DLGAP2: variants seen among roughly 807,000 people sequenced by gnomAD.
The protein encoded by DLGAP2 is DLG associated protein 2, also known as disks large-associated protein 2.
Under a neutral mutation model 100.3 loss-of-function variants are expected in DLGAP2, and 26 were observed. The ratio of observed to expected loss-of-function variants is 0.26; its 90% CI spans 0.19 to 0.36. The LOEUF is 0.36. Ranked by LOEUF, DLGAP2 falls within the 10% of genes least tolerant of loss-of-function variation. The pLI is 1.00. For synonymous variants in DLGAP2, 886 were observed against 630.1 expected (o/e 1.41, Z -6.08); for missense variants, 1,858 against 1,453.2 (o/e 1.28, Z -4.53).
intron 3 of DLGAP2, among the ~76,000 whole-genome samples, chr8:1,367,152 T>A (rs568224727): frequency 1.3e-5 from 2 of 152,326 alleles, no homozygotes; most frequent in East Asian, 3.9e-4. Flanking sequence ...GAACTGCAGA[T>A]CATATTTTGA....
chr8:1,312,015 A>G (rs1425818912), intron 3 of DLGAP2, among the ~76,000 whole-genome samples: 1 of 152,224 alleles, frequency 6.6e-6, no homozygotes, highest in African/African-American at 2.4e-5. Context: ...TCAGAAATTC[A>G]GCAATGACAG....
Position 1,346,184 on chromosome 8 carries a change from A to T in DLGAP2, c.106+87301A>T, listed in dbSNP as rs1801550726. ...GTAACTGTGTGGAGTTTGAGTTCCC[A>T]TACAGAGCTGCATTGCACTCACGGT... On this transcript the variant is annotated intron_variant, in intron 3 of 14. Coordinates refer to ENST00000637795, the MANE Select transcript of DLGAP2 (RefSeq NM_001346810.2). 2.6e-5 allele frequency among the ~76,000 whole-genome samples: 4 copies of T among 152,190 alleles called. No homozygotes were observed. The South Asian group carries it at 8.3e-4, about 32-fold the overall frequency.
chr8:1,518,699 C>T (rs1418681381), intron 4 of DLGAP2, among the ~76,000 whole-genome samples: 1 of 152,090 alleles, frequency 6.6e-6, no homozygotes. Context: ...ATTATGGAGT[C>T]TTTGAGATTT....
chr8:1,376,338 C>T (rs1802386639), intron 3 of DLGAP2, among the ~76,000 whole-genome samples: 1 of 152,242 alleles, frequency 6.6e-6, no homozygotes, highest in African/African-American at 2.4e-5. Flanking sequence ...AGCTCCTGTG[C>T]ACCGCAGTCC....
At chr8:1,074,946 C>T (rs531093556) in intron 2 of DLGAP2, among the ~76,000 whole-genome samples, 6 of 152,006 alleles carry the variant, frequency 3.9e-5, no homozygotes, top group African/African-American at 1.5e-4. Flanking sequence ...GGGTGCAGCA[C>T]ATCTCACCAA....
chr8:1,087,208 A>G (rs750519979), intron 2 of DLGAP2, among the ~76,000 whole-genome samples: 29 of 152,364 alleles, frequency 1.9e-4, no homozygotes, highest in Non-Finnish European at 3.2e-4. Context: ...GTACCGAAAC[A>G]TATGAGATGC....
chr8:1,468,920 C>G (rs1341779476), intron 3 of DLGAP2, among the ~76,000 whole-genome samples: 1 of 152,170 alleles, frequency 6.6e-6, no homozygotes, highest in Non-Finnish European at 1.5e-5. Flanking sequence ...TCCAGCCTCT[C>G]TCTCTCCTTA....
chr8:1,223,868 T>C (rs948243371), intron 2 of DLGAP2, among the ~76,000 whole-genome samples: 7 of 152,234 alleles, frequency 4.6e-5, no homozygotes, highest in Non-Finnish European at 7.3e-5. Flanking sequence ...AGCATCTATA[T>C]GTTCTGTTCT....
intron 3 of DLGAP2, among the ~76,000 whole-genome samples, chr8:1,470,321 A>G (rs1026851285): frequency 6.6e-6 from 1 of 152,172 alleles, no homozygotes; most frequent in African/African-American, 2.4e-5. Context: ...GCCATCCTTC[A>G]TCCCTCAGCT....
chr8:1,604,615 A>G (rs1449912623), intron 6 of DLGAP2: 5 of 152,204 alleles, frequency 3.3e-5, no homozygotes, highest in East Asian at 3.8e-4. Context: ...TGGAATCTAT[A>G]TTACATACTA....
chr8:1,598,352 G>A (rs2977212), intron 6 of DLGAP2, among the ~76,000 whole-genome samples: 1 of 152,128 alleles, frequency 6.6e-6, no homozygotes, highest in African/African-American at 2.4e-5. Flanking sequence ...CTGCCAGGTT[G>A]TGGTATCAGG....
At chr8:1,096,982 C>A (rs1379378542) in intron 2 of DLGAP2, among the ~76,000 whole-genome samples, 2 of 139,562 alleles carry the variant, frequency 1.4e-5, no homozygotes, top group African/African-American at 5.4e-5. Flanking sequence ...ACCCCTCCAG[C>A]GTGAGACCCA....
At position 1,668,499 on chromosome 8, in the gene DLGAP2, T is replaced by C; in HGVS notation, c.1981T>C (p.Tyr661His). 1 of 1,594,110 alleles carries C rather than the reference T, an allele frequency of 6.3e-7. No homozygotes were observed. The highest frequency in any genetic ancestry group is 8.5e-7 in the Non-Finnish European group (1 of 1,171,394). ...SPWPQDSRGL[Y>H]NSTDSLDSNK... ...GTGGCCCCAGGACAGCCGCGGCCTC[T>C]ACAACTCCACGGACAGCCTGGACAG... Residue 661 changes from tyrosine (Y) to histidine (H), a missense_variant, in exon 9 of 15, where the codon TAC becomes CAC. Transcript: ENST00000637795.
chr8:893,978 C>T (rs1563083350), intron 1 of DLGAP2, among the ~76,000 whole-genome samples: 1 of 152,210 alleles, frequency 6.6e-6, no homozygotes, highest in African/African-American at 2.4e-5. Flanking sequence ...GCTGTCGGCC[C>T]GAGGCTTCGA....
intron 2 of DLGAP2, among the ~76,000 whole-genome samples, chr8:925,952 G>A (rs144921533): frequency 1.0e-3 from 154 of 152,270 alleles, no homozygotes; most frequent in African/African-American, 3.4e-3. Flanking sequence ...CAGGAGGAGC[G>A]GATATGTCAT....
intron 3 of DLGAP2, among the ~76,000 whole-genome samples, chr8:1,484,444 T>G (rs910230084): frequency 5.9e-5 from 9 of 152,250 alleles, no homozygotes; most frequent in Non-Finnish European, 1.3e-4. Context: ...CCTTCTGGCT[T>G]AGGCCTGCGA....
At chr8:1,465,544 G>A (rs1476984331) in intron 3 of DLGAP2, among the ~76,000 whole-genome samples, 1 of 152,168 alleles carries the variant, frequency 6.6e-6, no homozygotes, top group East Asian at 1.9e-4. Context: ...ATGAGCAAGG[G>A]AAGGGGCATG....
chr8:1,065,420 A>T (rs555523743), intron 2 of DLGAP2, among the ~76,000 whole-genome samples: 2 of 152,216 alleles, frequency 1.3e-5, no homozygotes. Context: ...TTAAAACAGC[A>T]CTGTATTCAG....
intron 2 of DLGAP2, among the ~76,000 whole-genome samples, chr8:1,207,292 A>C (rs1330840068): frequency 6.6e-6 from 1 of 152,070 alleles, no homozygotes. Flanking sequence ...TTGCATCCAC[A>C]TAGCTTAGCT....
Sources: gnomAD v4.1 joint callset for allele counts (sites outside exome capture counted in the v4.1 genomes callset) on GRCh38, gnomAD v4.1.1 for gene constraint, MANE v1.5 for transcripts, NCBI Gene and HGNC (gene_info 2026-07-23, HGNC 2026-07-21) for gene names.